The following TMEM114 variants were observed in gnomAD, a reference collection of about 807,000 sequenced individuals.
TMEM114 encodes the protein transmembrane protein 114, also known as claudin-26.
Under a neutral mutation model 6.2 loss-of-function variants are expected in TMEM114, and 6 were observed. The observed-to-expected ratio is 0.97, with a 90% CI of 0.53 to 1.91. TMEM114 has a LOEUF of 1.91. TMEM114 is among the 40% of genes most tolerant of loss of function. The pLI is 0.01. For missense variants in TMEM114, 218 were observed against 158.3 expected (o/e 1.38, Z -2.02); for synonymous variants, 104 against 73.0 (o/e 1.42, Z -2.16).
chr16:8,547,437 G>A (rs1049708594), intron 2 of TMEM114, among the ~76,000 whole-genome samples: 1 of 149,740 alleles, frequency 6.7e-6, no homozygotes, highest in Non-Finnish European at 1.5e-5. Context: ...CTGTCACCCA[G>A]GCTGGAGTGC....
intron 2 of TMEM114, among the ~76,000 whole-genome samples, chr16:8,558,925 A>G (rs1005937478): frequency 6.7e-5 from 10 of 148,856 alleles, no homozygotes; most frequent in African/African-American, 2.5e-4. Context: ...TTGTATTTTT[A>G]GTAGAGACGG....
At chr16:8,549,026 C>G (rs549844131) in intron 2 of TMEM114, among the ~76,000 whole-genome samples, 1 of 151,884 alleles carries the variant, frequency 6.6e-6, no homozygotes, top group South Asian at 2.1e-4. Flanking sequence ...ACTAAAAATA[C>G]AAAGATTTAG....
chr16:8,559,544 A>G (rs1174703348), intron 2 of TMEM114, among the ~76,000 whole-genome samples: 1 of 152,230 alleles, frequency 6.6e-6, no homozygotes, highest in Admixed American at 6.5e-5. Flanking sequence ...CCAAGGAACA[A>G]AGGTGGAAGC....
At chr16:8,536,041 C>A (rs1027558481), downstream of TMEM114, among the ~76,000 whole-genome samples, 10 of 152,054 alleles carry the variant, frequency 6.6e-5, no homozygotes, top group Admixed American at 1.3e-4. Context: ...GCCTGTCCAA[C>A]GTTGTGAAAC....
chr16:8,586,826 T>C (rs1308171566), intron 2 of TMEM114, among the ~76,000 whole-genome samples: 1 of 152,174 alleles, frequency 6.6e-6, no homozygotes, highest in Non-Finnish European at 1.5e-5. Context: ...TTATAATTCT[T>C]GAAACAGTGC....
Position 8,578,036 on chromosome 16 carries a change from A to C in TMEM114, c.302-5812T>G, listed in dbSNP as rs74834556. The stretch of plus-strand genomic sequence containing the variant: ...CATGGAGTTCACAGATGGGCACAGG[A>C]GACAGAGTAGACAGGAAGCAAGGAA... On this transcript the variant is annotated intron_variant, in intron 2 of 3. Coordinates refer to ENST00000620492, the MANE Select transcript of TMEM114 (RefSeq NM_001146336.2). Among the ~76,000 whole-genome samples the C allele has an allele frequency of 2.3e-3, 356 of 152,272 alleles. 4 individuals carry two copies. The highest frequency in any genetic ancestry group is 0.017 in the Admixed American group (260 of 15,278).
rs774519884 is a variant in TMEM114 at position 8,544,929 on chromosome 16, T to TCTCTCG, written n.213-7104_213-7103insCGAGAG. Among the ~76,000 whole-genome samples the TCTCTCG allele has an allele frequency of 4.1e-4, 62 of 151,990 alleles. No homozygotes were observed. In the Middle Eastern group the frequency reaches 0.014, roughly 33 times the overall value. The stretch of plus-strand genomic sequence containing the variant: ...CTTCTCCTCAACATCTTTCTCTCTC[T>TCTCTCG]CTCTCTCTCTCTCCACCTCCCCCCA... On this transcript the variant is annotated intron_variant and non_coding_transcript_variant, in intron 2 of 2. Transcript: ENST00000623677.
At chr16:8,548,705 C>CTATATAT (rs1900749238) in intron 2 of TMEM114, among the ~76,000 whole-genome samples, 1 of 142,232 alleles carries the variant, frequency 7.0e-6, no homozygotes, top group African/African-American at 2.7e-5. Flanking sequence ...TATATATATA[C>CTATATAT]ACAGAAAAAA....
intron 2 of TMEM114, among the ~76,000 whole-genome samples, chr16:8,585,622 T>C (rs1466331058): frequency 1.3e-5 from 2 of 149,466 alleles, no homozygotes; most frequent in Admixed American, 1.3e-4. Context: ...AAAAAGACAT[T>C]ATGCGGAGAA....
chr16:8,560,728 C>T (rs1901171336), intron 2 of TMEM114, among the ~76,000 whole-genome samples: 1 of 152,142 alleles, frequency 6.6e-6, no homozygotes, highest in African/African-American at 2.4e-5. Flanking sequence ...TGGCAAGTTT[C>T]CAGGGGGCCC....
chr16:8,552,192 C>T (rs1335695467), intron 2 of TMEM114, among the ~76,000 whole-genome samples: 1 of 149,104 alleles, frequency 6.7e-6, no homozygotes, highest in Admixed American at 6.7e-5. Flanking sequence ...CTGGGCAACA[C>T]AGCAAGACCC....
chr16:8,559,921 A>T (rs1315054907), intron 2 of TMEM114, among the ~76,000 whole-genome samples: 1 of 152,186 alleles, frequency 6.6e-6, no homozygotes, highest in Non-Finnish European at 1.5e-5. Context: ...GGGAGGCAGA[A>T]GTGGGCGGCT....
chr16:8,532,547 G>A, the TMEM114 span, among the ~76,000 whole-genome samples: 1 of 152,278 alleles, frequency 6.6e-6, no homozygotes, highest in East Asian at 1.9e-4. Context: ...CATTCTAGGG[G>A]TCCATTAAAG....
At chr16:8,527,537 A>G in the TMEM114 span, among the ~76,000 whole-genome samples, 1 of 72,824 alleles carries the variant, frequency 1.4e-5, no homozygotes, top group African/African-American at 5.4e-5. Context: ...TCTAGTCTGT[A>G]GTAAGATTTT....
At chr16:8,543,650 C>T (rs1178643058) in intron 2 of TMEM114, among the ~76,000 whole-genome samples, 1 of 152,158 alleles carries the variant, frequency 6.6e-6, no homozygotes, top group East Asian at 1.9e-4. Context: ...GCCAAGGTTT[C>T]TGCCTTGGGC....
downstream of TMEM114, among the ~76,000 whole-genome samples, chr16:8,533,925 A>G (rs551919187): frequency 1.1e-4 from 17 of 152,116 alleles, no homozygotes; most frequent in African/African-American, 3.9e-4. Flanking sequence ...TCAGAAAGCA[A>G]CTCCAGTGTG....
At chr16:8,552,841 G>A (rs1196414294) in intron 2 of TMEM114, among the ~76,000 whole-genome samples, 1 of 151,928 alleles carries the variant, frequency 6.6e-6, no homozygotes, top group Non-Finnish European at 1.5e-5. Context: ...TCCCCTCCCA[G>A]CAGCCCTTGA....
intron 2 of TMEM114, among the ~76,000 whole-genome samples, chr16:8,588,787 G>T (rs1902393183): frequency 6.6e-6 from 1 of 152,178 alleles, no homozygotes; most frequent in Non-Finnish European, 1.5e-5. Context: ...ACGCTGGCAT[G>T]GAATCTGTGG....
At chr16:8,538,902 T>G (rs745628021) in intron 2 of TMEM114, among the ~76,000 whole-genome samples, 2 of 152,230 alleles carry the variant, frequency 1.3e-5, no homozygotes, top group Non-Finnish European at 2.9e-5. Context: ...GTCTTATATT[T>G]AAATTATATC....
Sources: allele counts gnomAD v4.1 joint callset (sites outside exome capture counted in the v4.1 genomes callset), GRCh38; gene constraint gnomAD v4.1.1; transcripts MANE v1.5; gene names NCBI Gene and HGNC (gene_info 2026-07-23, HGNC 2026-07-21).